IQSEC1: variants seen among roughly 807,000 people sequenced by gnomAD.
The protein encoded by IQSEC1 is IQ motif and SEC7 domain-containing protein 1.
In IQSEC1, 31 loss-of-function variants were observed where a neutral mutation model predicts 91.0. The ratio of observed to expected loss-of-function variants is 0.34; its 90% CI spans 0.26 to 0.46. The LOEUF is 0.46. IQSEC1 is among the 20% of genes least tolerant of loss of function. IQSEC1 has a pLI of 1.00. For missense variants in IQSEC1, 1,388 were observed against 1,575.6 expected (o/e 0.88, Z 2.02); for synonymous variants, 699 against 662.6 (o/e 1.05, Z -0.84).
chr3:12,962,248 C>T (rs1033505214), intron 1 of IQSEC1, among the ~76,000 whole-genome samples: 1 of 152,212 alleles, frequency 6.6e-6, no homozygotes, highest in Non-Finnish European at 1.5e-5. Flanking sequence ...ATCTACCGGG[C>T]CCTTGCTATG....
intron 1 of IQSEC1, among the ~76,000 whole-genome samples, chr3:13,039,647 C>T (rs527382727): frequency 6.6e-6 from 1 of 152,336 alleles, no homozygotes; most frequent in African/African-American, 2.4e-5. Flanking sequence ...GAGAGGTGAG[C>T]TGAGCATCCC....
chr3:13,100,314 C>CCT lies in IQSEC1; in HGVS notation c.303-52794_303-52793dup, dbSNP rs1453413071. 2.0e-5 allele frequency among the ~76,000 whole-genome samples: 3 copies of CCT among 148,522 alleles called. 1 individual carries two copies. Among genetic ancestry groups the CCT allele is most frequent in the Non-Finnish European group, 4.5e-5 (3 of 67,092 alleles). ...TTACCACACTCTTCCTACATCTAGGCCTTTGCACACGCTGTTCCTTCTGCT... is the reference window on the plus strand; with the variant it reads ...TTACCACACTCTTCCTACATCTAGGCCTCTTTGCACACGCTGTTCCTTCTGCT... On this transcript the variant is annotated intron_variant, in intron 2 of 15. Coordinates refer to the IQSEC1 transcript ENST00000648114.
intron 1 of IQSEC1, among the ~76,000 whole-genome samples, chr3:13,175,844 G>C (rs1297244993): frequency 6.6e-6 from 1 of 152,144 alleles, no homozygotes; most frequent in Non-Finnish European, 1.5e-5. Context: ...TCACCTCTCG[G>C]GTCCTTTATA....
intron 1 of IQSEC1, among the ~76,000 whole-genome samples, chr3:13,253,871 C>A (rs916641998): frequency 9.2e-5 from 14 of 152,110 alleles, no homozygotes; most frequent in African/African-American, 3.4e-4. Flanking sequence ...ATACCCGGGG[C>A]CCCCAGAAGC....
At chr3:13,091,018 C>T (rs1487695216) in intron 2 of IQSEC1, among the ~76,000 whole-genome samples, 2 of 152,170 alleles carry the variant, frequency 1.3e-5, no homozygotes, top group Non-Finnish European at 2.9e-5. Flanking sequence ...GCTGGCCTGG[C>T]CTCCTCCTCA....
chr3:13,216,251 T>C (rs764451231), intron 1 of IQSEC1, among the ~76,000 whole-genome samples: 4 of 152,270 alleles, frequency 2.6e-5, no homozygotes, highest in East Asian at 3.9e-4. Flanking sequence ...TGTGGGAAAA[T>C]AGGCAGCCAA....
At chr3:13,205,384 A>G (rs1469067845) in intron 1 of IQSEC1, among the ~76,000 whole-genome samples, 1 of 152,108 alleles carries the variant, frequency 6.6e-6, no homozygotes, top group Non-Finnish European at 1.5e-5. Context: ...CCCAGGCTCC[A>G]GTACCAGGAA....
At chr3:13,218,493 C>A (rs533127769) in intron 1 of IQSEC1, among the ~76,000 whole-genome samples, 1 of 152,186 alleles carries the variant, frequency 6.6e-6, no homozygotes, top group African/African-American at 2.4e-5. Flanking sequence ...GAGTCTTTGG[C>A]GGGAGGTGTG....
intron 1 of IQSEC1, among the ~76,000 whole-genome samples, chr3:13,235,914 C>T (rs1448511369): frequency 1.3e-5 from 2 of 152,130 alleles, no homozygotes; most frequent in African/African-American, 2.4e-5. Context: ...CAACCCGCTG[C>T]GGCAGACAGA....
At chr3:12,958,764 T>C (rs191466575) in intron 1 of IQSEC1, among the ~76,000 whole-genome samples, 49 of 152,176 alleles carry the variant, frequency 3.2e-4, no homozygotes, top group African/African-American at 1.1e-3. Flanking sequence ...CTAAGCTGGG[T>C]TGGGGGCACT....
chr3:13,273,566 G>A (rs1176698227), intron 1 of IQSEC1, among the ~76,000 whole-genome samples: 2 of 152,154 alleles, frequency 1.3e-5, no homozygotes, highest in South Asian at 2.1e-4. Flanking sequence ...GGAAAAGAGA[G>A]GGTGGGGCCG....
chr3:13,070,577 A>G (rs1705380744), intron 1 of IQSEC1, among the ~76,000 whole-genome samples: 1 of 152,236 alleles, frequency 6.6e-6, no homozygotes, highest in Non-Finnish European at 1.5e-5. Context: ...GTGGGCAAAC[A>G]CAGGCTTATC....
At chr3:12,997,427 T>C (rs981523911) in intron 1 of IQSEC1, among the ~76,000 whole-genome samples, 1 of 152,374 alleles carries the variant, frequency 6.6e-6, no homozygotes. Flanking sequence ...AGGGGTTATC[T>C]GGGCACAAGC....
At chr3:13,244,489 A>G (rs1256560558) in intron 1 of IQSEC1, among the ~76,000 whole-genome samples, 1 of 152,198 alleles carries the variant, frequency 6.6e-6, no homozygotes, top group Non-Finnish European at 1.5e-5. Flanking sequence ...GCTTGCAAAT[A>G]GTGGTGCTAA....
At chr3:12,987,768 A>G (rs984442626) in intron 1 of IQSEC1, among the ~76,000 whole-genome samples, 1 of 152,218 alleles carries the variant, frequency 6.6e-6, no homozygotes, top group Non-Finnish European at 1.5e-5. Context: ...ACAGCCCAAG[A>G]TGGGTGAAAG....
Position 12,908,972 on chromosome 3 carries a change from C to T in IQSEC1, c.2578+301G>A, listed in dbSNP as rs115479463. 3.1e-3 allele frequency among the ~76,000 whole-genome samples: 479 copies of T among 152,214 alleles called. 1 individual carries two copies. Among genetic ancestry groups the T allele is most frequent in the African/African-American group, 0.011 (454 of 41,522 alleles). On this transcript the variant is annotated intron_variant, in intron 11 of 13. Coordinates refer to ENST00000613206, the MANE Select transcript of IQSEC1 (RefSeq NM_001134382.3). This position sits in a 1 kb window ranked among gnomAD's most constrained non-coding sequence, Gnocchi z 4.9. ...CGGTTGAGCCTGATGCAGAAGATGA[C>T]GAGGTGCAGAGAGGCCAGCTGGGAA...
At chr3:13,258,108 C>T (rs530873137) in intron 1 of IQSEC1, among the ~76,000 whole-genome samples, 9 of 152,144 alleles carry the variant, frequency 5.9e-5, no homozygotes, top group African/African-American at 9.6e-5. Context: ...GAGGATTTTG[C>T]GGGGGGCGGG....
chr3:13,019,336 C>T (rs1031242163), intron 1 of IQSEC1, among the ~76,000 whole-genome samples: 9 of 152,362 alleles, frequency 5.9e-5, no homozygotes, highest in African/African-American at 2.4e-5. Flanking sequence ...ACAGCTGCTC[C>T]ACACACACCT....
At chr3:13,260,192 G>A (rs1427484315) in intron 1 of IQSEC1, among the ~76,000 whole-genome samples, 2 of 152,152 alleles carry the variant, frequency 1.3e-5, no homozygotes, top group African/African-American at 4.8e-5. Context: ...GAGGGTGGAG[G>A]GAAGGAAAGT....
Sources: allele counts gnomAD v4.1 joint callset (sites outside exome capture counted in the v4.1 genomes callset), GRCh38; gene constraint gnomAD v4.1.1; non-coding constraint Gnocchi (gnomAD v3.1); transcripts MANE v1.5; gene names NCBI Gene and HGNC (gene_info 2026-07-23, HGNC 2026-07-21).